Variants in PPP6R3 observed in about 807,000 individuals in gnomAD.
The protein encoded by PPP6R3 is serine/threonine-protein phosphatase 6 regulatory subunit 3.
Under a neutral mutation model 110.7 loss-of-function variants are expected in PPP6R3, and 38 were observed. The observed-to-expected ratio is 0.34, with a 90% CI of 0.26 to 0.45. The LOEUF is 0.45. Ranked by LOEUF, PPP6R3 falls within the 20% of genes least tolerant of loss-of-function variation. The pLI is 1.00. For missense variants in PPP6R3, 870 were observed against 1,062.4 expected, an observed-to-expected ratio of 0.82 and a Z score of 2.52; for synonymous variants, 369 against 373.5, an observed-to-expected ratio of 0.99 and a Z score of 0.14.
chr11:68,502,790 A>C (rs552972892), intron 1 of PPP6R3, among the ~76,000 whole-genome samples: 2 of 152,258 alleles, frequency 1.3e-5, no homozygotes, highest in African/African-American at 4.8e-5. Flanking sequence ...TGTGATGGAG[A>C]GCAAAAGCTC....
chr11:68,572,721 A>G (rs2153791378), intron 12 of PPP6R3, among the ~76,000 whole-genome samples: 1 of 152,190 alleles, frequency 6.6e-6, no homozygotes, highest in South Asian at 2.1e-4. Context: ...ACTTGCCTAT[A>G]GTCCCAGCTA....
chr11:68,493,929 C>CG (rs2098999459), intron 1 of PPP6R3, among the ~76,000 whole-genome samples: 1 of 150,394 alleles, frequency 6.6e-6, no homozygotes, highest in African/African-American at 2.4e-5. Context: ...GGTATAACCC[C>CG]CTCTCTACTA....
intron 1 of PPP6R3, among the ~76,000 whole-genome samples, chr11:68,485,556 A>T (rs1231789219): frequency 6.6e-6 from 1 of 152,094 alleles, no homozygotes; most frequent in Admixed American, 6.6e-5. Flanking sequence ...GAAGCTTCTT[A>T]CTGTTCCTAG....
Position 68,600,436 on chromosome 11 carries a change from C to T in PPP6R3, c.2134C>T (p.Pro712Ser), listed in dbSNP as rs768262130. ...ATCTGATGTCTGGAGCACAGAGGAG[C>T]CGATGCCAACTAAAGAGACGGGCTG... ...VGSDVWSTEEPMPTKETGWAS... is the reference protein window; with the variant it reads ...VGSDVWSTEESMPTKETGWAS... Residue 712 changes from proline to serine, a missense_variant, in exon 20 of 24, where the codon CCG becomes TCG. By Grantham distance (74) the Pro-to-Ser change is moderately conservative (BLOSUM62 -1). Coordinates refer to ENST00000393800, the MANE Select transcript of PPP6R3 (RefSeq NM_001164161.2). 7 of 1,614,010 alleles carry T rather than the reference C, an allele frequency of 4.3e-6. No individual in the cohort carries two copies. In the Admixed American group the frequency reaches 8.3e-5, roughly 19 times the overall value.
intron 14 of PPP6R3, among the ~76,000 whole-genome samples, chr11:68,578,854 A>G (rs979559239): frequency 1.3e-5 from 2 of 152,222 alleles, no homozygotes; most frequent in Admixed American, 6.5e-5. Context: ...TATGATGAAC[A>G]AAAGTTGGTG....
In PPP6R3 at chr11:68,537,753, A is replaced by C; in HGVS notation, c.89A>C (p.Glu30Ala). 1.2e-6 allele frequency: 2 copies of C among 1,612,840 alleles called. No homozygotes were observed. The highest frequency in any genetic ancestry group is 1.7e-6 in the Non-Finnish European group (2 of 1,178,818). ...GTAACACTGAAGGAGTTAATGGATG[A>C]GGAAGATGTTTTACAGGAATGTAAA... ...EDVTLKELMDEEDVLQECKAQ... is the reference protein window; with the variant it reads ...EDVTLKELMDAEDVLQECKAQ... The change falls in exon 3 of 24, where the codon GAG becomes GCG. Residue 30 changes from glutamate to alanine, a missense_variant. Transcript: ENST00000393800.
At chr11:68,564,454 T>C (rs932607323) in intron 9 of PPP6R3, 22 bp downstream of exon 9, 1 of 1,612,892 alleles carries the variant, frequency 6.2e-7, no homozygotes, top group Non-Finnish European at 8.5e-7. Flanking sequence ...ATGTTAAGCA[T>C]GGCTGCCCAG....
rs189956479 is a variant in PPP6R3, at chr11:68,597,530, A to G, written c.2038+1312A>G. ...AACGCATGGTAGAGACAGGAGAACC[A>G]TGAAGACATTGAACTGTTACACATG... On this transcript the variant is annotated intron_variant, in intron 19 of 23. Coordinates refer to ENST00000393800, the MANE Select transcript of PPP6R3 (RefSeq NM_001164161.2). Among the ~76,000 whole-genome samples the G allele has an allele frequency of 1.1e-4, 17 of 152,346 alleles. No homozygotes were observed. In the East Asian group the frequency reaches 1.7e-3, roughly 16 times the overall value.
chr11:68,584,822 C>T (rs1335951476), intron 15 of PPP6R3, among the ~76,000 whole-genome samples: 2 of 152,184 alleles, frequency 1.3e-5, no homozygotes, highest in Non-Finnish European at 2.9e-5. Flanking sequence ...AATAATTACT[C>T]TTTTCTGATT....
intron 1 of PPP6R3, among the ~76,000 whole-genome samples, chr11:68,486,527 C>G (rs1397026111): frequency 6.6e-6 from 1 of 150,926 alleles, no homozygotes; most frequent in Non-Finnish European, 1.5e-5. Flanking sequence ...ATGGCGTGAA[C>G]CCGGGAGGCG....
chr11:68,604,375 A>G (rs1299244840), intron 22 of PPP6R3, among the ~76,000 whole-genome samples: 1 of 152,244 alleles, frequency 6.6e-6, no homozygotes, highest in Non-Finnish European at 1.5e-5. Flanking sequence ...GCTGTTCATG[A>G]TTTTCTTTGC....
At chr11:68,607,153 T>G (rs768892694) in intron 22 of PPP6R3, among the ~76,000 whole-genome samples, 2 of 152,222 alleles carry the variant, frequency 1.3e-5, no homozygotes, top group Non-Finnish European at 2.9e-5. Context: ...TTTTTAGAAG[T>G]AACTTAATAC....
chr11:68,599,237 C>T (rs893861965), intron 19 of PPP6R3, among the ~76,000 whole-genome samples: 5 of 152,248 alleles, frequency 3.3e-5, no homozygotes, highest in African/African-American at 1.2e-4. Flanking sequence ...CCACATCTGG[C>T]TTGTCCCCAG....
At chr11:68,570,272 A>G (rs568968324) in intron 11 of PPP6R3, among the ~76,000 whole-genome samples, 1 of 152,344 alleles carries the variant, frequency 6.6e-6, no homozygotes, top group East Asian at 1.9e-4. Flanking sequence ...CGTGACTGAA[A>G]GTCAGGAGAA....
At chr11:68,590,751 G>A in intron 17 of PPP6R3, 37 bp downstream of exon 17, 1 of 1,523,398 alleles carries the variant, frequency 6.6e-7, no homozygotes, top group Non-Finnish European at 8.9e-7. Flanking sequence ...TGTGGCACAT[G>A]AGAGGTTAAA....
rs770763130 is a variant in PPP6R3, at chr11:68,575,976, G to A, written c.1478G>A (p.Arg493Lys). The A allele has an allele frequency of 6.2e-7, 1 of 1,611,562 alleles. No individual in the cohort carries two copies. The highest frequency in any genetic ancestry group is 8.5e-7 in the Non-Finnish European group (1 of 1,178,432). The change falls in exon 14 of 24, where the codon AGG becomes AAG. Residue 493 changes from arginine to lysine, a missense_variant. Transcript: ENST00000393800. Reference protein sequence around the residue: ...QLIKDLPDEVRERWETFCTSS... With the variant: ...QLIKDLPDEVKERWETFCTSS... ...TCTGAAGATCTTCCCGACGAAGTCAGGGAACGATGGGAGACGTTCTGCACA... is the reference window on the plus strand; with the variant it reads ...TCTGAAGATCTTCCCGACGAAGTCAAGGAACGATGGGAGACGTTCTGCACA...
Position 68,591,559 on chromosome 11 carries a change from C to G in PPP6R3, c.1786-17C>G, listed in dbSNP as rs1239934639. ...TTAAATTTATTTTGTTGTTTTTTTC[C>G]TCTCATTTTTATTTAGGGAAATATT... On this transcript the variant is annotated splice_polypyrimidine_tract_variant and intron_variant, in intron 17 of 23. Transcript: ENST00000393800. The G allele has an allele frequency of 1.3e-6, 2 of 1,556,296 alleles. No homozygotes were observed. The highest frequency in any genetic ancestry group is 4.1e-5 in the Admixed American group (2 of 48,732).
intron 3 of PPP6R3, among the ~76,000 whole-genome samples, chr11:68,540,419 C>G (rs537837305): frequency 1.3e-5 from 2 of 152,230 alleles, no homozygotes; most frequent in African/African-American, 4.8e-5. Context: ...GTGTGGGTGA[C>G]AGACATCAAG....
rs562808922 is a variant in PPP6R3, at chr11:68,464,479, A to C, written c.-158+3652A>C. Among the ~76,000 whole-genome samples, 9 of 152,194 alleles carry C rather than the reference A, an allele frequency of 5.9e-5. No individual in the cohort carries two copies. The South Asian group carries it at 1.7e-3, about 28-fold the overall frequency. On this transcript the variant is annotated intron_variant, in intron 1 of 23. Coordinates refer to ENST00000393800, the MANE Select transcript of PPP6R3 (RefSeq NM_001164161.2). ...CTCAGACAATACTGAAATGCAGCTG[A>C]ATTTTGGAACCACTGTTTTACACCA...
Sources: gnomAD v4.1 joint callset for allele counts (sites outside exome capture counted in the v4.1 genomes callset) on GRCh38, gnomAD v4.1.1 for gene constraint, MANE v1.5 for transcripts, NCBI Gene and HGNC (gene_info 2026-07-23, HGNC 2026-07-21) for gene names.